Variants in LRRC9 observed in about 807,000 individuals in gnomAD.
LRRC9 encodes leucine rich repeat containing 9, also known as leucine-rich repeat-containing protein 9.
A neutral mutation model predicts 63.2 loss-of-function variants in LRRC9; 122 were observed. The observed-to-expected ratio is 1.93, with a 90% CI of 1.67 to 2.24. The LOEUF (loss-of-function observed/expected upper bound fraction) is 2.24, where lower values mean the gene tolerates loss of function less well. LRRC9 is among the 30% of genes most tolerant of loss of function. The probability of loss-of-function intolerance (pLI) is 0.00; values close to 1 mark genes in which losing one functional copy is unlikely to be tolerated. For synonymous variants in LRRC9, 366 were observed against 213.1 expected, an observed-to-expected ratio of 1.72 and a Z score of -6.25; for missense variants, 1,071 against 627.7, an observed-to-expected ratio of 1.71 and a Z score of -7.55.
At chr14:60,018,955 G>A (rs1890910465) in intron 25 of LRRC9, among the ~76,000 whole-genome samples, 166 bp from the exon 26 acceptor site, 1 of 151,850 alleles carries the variant, frequency 6.6e-6, no homozygotes, top group African/African-American at 2.4e-5. Context: ...TTCCCAGAAT[G>A]TCAGATTAAA....
rs568261573 is a variant in LRRC9, at chr14:59,929,511, A to C, written c.267+1025A>C. ...GAATTAGTTCAACATTGTGGAGAAC[A>C]GTGTGATGATTCCTCAAAGACCTAA... On this transcript the variant is annotated intron_variant, in intron 3 of 31. Transcript: ENST00000445360. 2.0e-5 allele frequency among the ~76,000 whole-genome samples: 3 copies of C among 152,280 alleles called. No homozygotes were observed. The South Asian group carries it at 6.2e-4, about 32-fold the overall frequency.
At chr14:59,977,918 CTTA>C (rs1306505074) in intron 14 of LRRC9, 96 bp from the exon 15 acceptor site, 4 of 536,782 alleles carry the variant, frequency 7.5e-6, no homozygotes, top group Non-Finnish European at 1.0e-5. Context: ...ACTGTTGCAA[CTTA>C]TTGAGTTTGT....
At chr14:59,992,724 T>C (rs1888289757) in intron 17 of LRRC9, among the ~76,000 whole-genome samples, 1 of 151,822 alleles carries the variant, frequency 6.6e-6, no homozygotes, top group African/African-American at 2.4e-5. Context: ...GAAAATCAAA[T>C]GAATGAAATG....
At chr14:59,944,029 A>C (rs1882071312) in intron 7 of LRRC9, among the ~76,000 whole-genome samples, 1 of 152,002 alleles carries the variant, frequency 6.6e-6, no homozygotes, top group Non-Finnish European at 1.5e-5. Context: ...TATCATGATA[A>C]ATTTATTAAT....
downstream of LRRC9, among the ~76,000 whole-genome samples, chr14:60,066,527 T>C (rs998371370): frequency 1.3e-5 from 2 of 152,136 alleles, no homozygotes; most frequent in African/African-American, 4.8e-5. Context: ...GTTTTTCTGA[T>C]GCCTTACTAT....
intron 17 of LRRC9, among the ~76,000 whole-genome samples, chr14:59,997,408 A>G (rs977565129): frequency 5.9e-5 from 9 of 152,084 alleles, no homozygotes; most frequent in African/African-American, 2.2e-4. Context: ...CTCTCCTATG[A>G]AAACAGACAT....
At chr14:60,046,695 G>A (rs1165629286) in intron 29 of LRRC9, among the ~76,000 whole-genome samples, 2 of 152,212 alleles carry the variant, frequency 1.3e-5, no homozygotes, top group Admixed American at 6.6e-5. Flanking sequence ...ATAGTTTGAG[G>A]TCAAGTAGCA....
Position 59,966,322 on chromosome 14 carries a change from G to A in LRRC9, c.1212-267G>A, listed in dbSNP as rs911193704. Among the ~76,000 whole-genome samples, 1 of 152,162 alleles carries A rather than the reference G, an allele frequency of 6.6e-6. No individual in the cohort carries two copies. The highest frequency in any genetic ancestry group is 1.5e-5 in the Non-Finnish European group (1 of 68,032). Reference sequence around the variant, plus strand: ...GACCCAGCAAGAAAACTATGAAAGAGCAGCCAATAAGAGGAAGGCGTATGA... The same window carrying A: ...GACCCAGCAAGAAAACTATGAAAGAACAGCCAATAAGAGGAAGGCGTATGA... On this transcript the variant is annotated intron_variant, in intron 10 of 31. Coordinates refer to ENST00000445360, the Ensembl canonical transcript of LRRC9. The surrounding 1 kb of genome is among the most constrained non-coding windows in gnomAD (Gnocchi z 4.0).
At chr14:59,931,726 T>C (rs1311704437) in intron 5 of LRRC9, 44 bp downstream of exon 5, 1 of 653,414 alleles carries the variant, frequency 1.5e-6, no homozygotes, top group Non-Finnish European at 2.7e-6. Flanking sequence ...GCTATAATCA[T>C]TTTTTATCAA....
rs1427618530 is a variant in LRRC9, at chr14:59,958,067, C to G, written c.883-1751C>G. Among the ~76,000 whole-genome samples the G allele has an allele frequency of 1.3e-5, 2 of 152,180 alleles. No homozygotes were observed. Among genetic ancestry groups the G allele is most frequent in the Non-Finnish European group, 2.9e-5 (2 of 68,032 alleles). ...CTCCTGTATGAGGTGTCTGTCGACC[C>G]CTGTTGGGGTATGTCTCCCAGTCAG... On this transcript the variant is annotated intron_variant, in intron 8 of 31. Transcript: ENST00000445360. The surrounding 1 kb of genome is among the most constrained non-coding windows in gnomAD (Gnocchi z 4.0).
At chr14:60,065,517 G>A (rs151267626), downstream of LRRC9, among the ~76,000 whole-genome samples, 44 of 149,032 alleles carry the variant, frequency 3.0e-4, no homozygotes, top group South Asian at 4.1e-3. Context: ...GAATGGTGGC[G>A]TACACCTGTA....
At chr14:59,995,638 T>G (rs1308440983) in intron 17 of LRRC9, among the ~76,000 whole-genome samples, 1 of 152,192 alleles carries the variant, frequency 6.6e-6, no homozygotes, top group Non-Finnish European at 1.5e-5. Flanking sequence ...TCATGACTAT[T>G]TAATGAGTTC....
At chr14:60,005,479 T>G (rs546834822) in intron 21 of LRRC9, among the ~76,000 whole-genome samples, 6 of 152,232 alleles carry the variant, frequency 3.9e-5, no homozygotes, top group South Asian at 2.1e-4. Flanking sequence ...GCTACCCCTC[T>G]AAACTTTAAC....
chr14:60,018,291 T>C, intron 24 of LRRC9, 80 bp from the exon 25 acceptor site: 1 of 680,854 alleles, frequency 1.5e-6, no homozygotes, highest in Non-Finnish European at 2.7e-6. Context: ...CTTTGGTGGC[T>C]GTATGTGAAG....
At chr14:59,975,100 T>TAC (rs1192010900) in intron 13 of LRRC9, among the ~76,000 whole-genome samples, 1 of 78,744 alleles carries the variant, frequency 1.3e-5, no homozygotes, top group Non-Finnish European at 2.3e-5. Context: ...TATATATATA[T>TAC]ACATATATAT....
chr14:60,002,408 A>T (rs1889453697), intron 20 of LRRC9, among the ~76,000 whole-genome samples: 1 of 152,132 alleles, frequency 6.6e-6, no homozygotes, highest in African/African-American at 2.4e-5. Flanking sequence ...CTTGACCAAC[A>T]TCTGCCCACT....
rs1890134668 is a variant in LRRC9, at chr14:59,936,299, G to A, written c.544-2091G>A. 3.3e-5 allele frequency among the ~76,000 whole-genome samples: 5 copies of A among 152,046 alleles called. No individual in the cohort carries two copies. Among genetic ancestry groups the A allele is most frequent in the Admixed American group, 3.3e-4 (5 of 15,258 alleles). On this transcript the variant is annotated intron_variant, in intron 6 of 31. Coordinates refer to ENST00000445360, the Ensembl canonical transcript of LRRC9. This position sits in a 1 kb window ranked among gnomAD's most constrained non-coding sequence, Gnocchi z 4.2. ...GCATTATGACTATCATAAAAACATT[G>A]AACGTGATTCACAGGAAGTTTTACT...
chr14:60,017,633 G>C lies in LRRC9; in HGVS notation c.3318-738G>C, dbSNP rs971430103. On this transcript the variant is annotated intron_variant, in intron 24 of 31. Transcript: ENST00000445360. This position sits in a 1 kb window ranked among gnomAD's most constrained non-coding sequence, Gnocchi z 4.0. ...TCTTGTAGCCTTTCCAAACACATCC[G>C]CTGCACTTAGGAAATACTAATGGAA... 6.6e-6 allele frequency among the ~76,000 whole-genome samples: 1 copy of C among 151,948 alleles called. No homozygotes were observed. The highest frequency in any genetic ancestry group is 1.5e-5 in the Non-Finnish European group (1 of 67,970).
At chr14:60,018,235 TTAAAG>T (rs746081463) in intron 24 of LRRC9, 131 bp from the exon 25 acceptor site, 27 of 607,188 alleles carry the variant, frequency 4.4e-5, no homozygotes, top group African/African-American at 2.0e-4. Flanking sequence ...TCATTTTACA[TTAAAG>T]TAATTATTTT....
Sources: gnomAD v4.1 joint callset for allele counts (sites outside exome capture counted in the v4.1 genomes callset) on GRCh38, gnomAD v4.1.1 for gene constraint, Gnocchi (gnomAD v3.1) non-coding constraint, MANE v1.5 for transcripts, NCBI Gene and HGNC (gene_info 2026-07-23, HGNC 2026-07-21) for gene names.